RABGEF1: variants seen among roughly 807,000 people sequenced by gnomAD.
RABGEF1 encodes the protein RAB guanine nucleotide exchange factor 1, also known as rab5 GDP/GTP exchange factor.
In RABGEF1, 26 loss-of-function variants were observed where a neutral mutation model predicts 57.3. The observed-to-expected ratio is 0.45, with a 90% CI of 0.33 to 0.63. The LOEUF (loss-of-function observed/expected upper bound fraction) is 0.63. Ranked by LOEUF, RABGEF1 falls within the 20% of genes least tolerant of loss-of-function variation. The pLI is 0.02. For synonymous variants in RABGEF1, 185 were observed against 210.7 expected (o/e 0.88, Z 1.06); for missense variants, 464 against 607.6 (o/e 0.76, Z 2.48).
At chr7:66,676,140 C>T in the RABGEF1 span, among the ~76,000 whole-genome samples, 9 of 152,044 alleles carry the variant, frequency 5.9e-5, no homozygotes, top group African/African-American at 2.2e-4. Flanking sequence ...GCCAACATGG[C>T]AAAACCTCAT....
intron 2 of RABGEF1, among the ~76,000 whole-genome samples, chr7:66,715,164 A>G (rs941444437): frequency 5.9e-5 from 9 of 151,382 alleles, no homozygotes; most frequent in African/African-American, 1.5e-4. Context: ...GTCTCACTCT[A>G]TCACCTAGGC....
chr7:66,756,502 A>G (rs10231860), intron 1 of RABGEF1, among the ~76,000 whole-genome samples: 1 of 152,026 alleles, frequency 6.6e-6, no homozygotes, highest in Non-Finnish European at 1.5e-5. Context: ...GCTATCAAAG[A>G]TTTATAAATT....
chr7:66,756,133 T>C (rs1802655682), intron 1 of RABGEF1: 1 of 1,137,152 alleles, frequency 8.8e-7, no homozygotes, highest in Non-Finnish European at 1.2e-6. Context: ...AAAATAGTAA[T>C]GACATAGAAA....
intron 1 of RABGEF1, among the ~76,000 whole-genome samples, chr7:66,691,238 T>C (rs866616260): frequency 3.3e-4 from 51 of 152,250 alleles, no homozygotes; most frequent in African/African-American, 1.1e-3. Flanking sequence ...GTTGTACACC[T>C]CCCATACCGT....
At position 66,775,253 on chromosome 7, in the gene RABGEF1, T is replaced by A. The variant is rs1808248682; in HGVS notation, c.206T>A (p.Phe69Tyr). Residue 69 changes from phenylalanine (F) to tyrosine (Y), a missense_variant, in exon 3 of 9, where the codon TTT (phenylalanine) becomes TAT (tyrosine). By Grantham distance (22) the Phe-to-Tyr change is conservative (BLOSUM62 3). Coordinates refer to ENST00000284957, the MANE Select transcript of RABGEF1 (RefSeq NM_014504.3). Reference protein sequence around the residue: ...ERLQREEEEAFASSQSSQGAQ... With the variant: ...ERLQREEEEAYASSQSSQGAQ... ...CTCCAGCGGGAGGAAGAAGAGGCCT[T>A]TGCCAGCAGTCAGAGCAGCCAAGGG... The A allele has an allele frequency of 6.2e-7, 1 of 1,613,404 alleles. No homozygotes were observed. The highest frequency in any genetic ancestry group is 8.5e-7 in the Non-Finnish European group (1 of 1,179,744).
At chr7:66,718,585 G>A (rs1325073986) in intron 2 of RABGEF1, among the ~76,000 whole-genome samples, 1 of 152,112 alleles carries the variant, frequency 6.6e-6, no homozygotes, top group African/African-American at 2.4e-5. Flanking sequence ...ATAGGCAATG[G>A]ATTTGGTTAG....
chr7:66,691,702 T>C (rs1266678190), intron 1 of RABGEF1, among the ~76,000 whole-genome samples: 1 of 152,148 alleles, frequency 6.6e-6, no homozygotes, highest in Non-Finnish European at 1.5e-5. Context: ...ATAGGGTTTG[T>C]GTTCAATAAT....
At chr7:66,743,083 G>A (rs1042231887) in intron 1 of RABGEF1, among the ~76,000 whole-genome samples, 4 of 152,120 alleles carry the variant, frequency 2.6e-5, no homozygotes, top group African/African-American at 9.7e-5. Context: ...GCCGAGGCGG[G>A]CGGATCACGA....
chr7:66,760,708 C>T (rs1435265944), intron 1 of RABGEF1, among the ~76,000 whole-genome samples: 1 of 152,124 alleles, frequency 6.6e-6, no homozygotes, highest in Non-Finnish European at 1.5e-5. Context: ...TCCCAAAGTG[C>T]TGGGATTACA....
intron 7 of RABGEF1, among the ~76,000 whole-genome samples, chr7:66,800,598 G>A (rs928034088): frequency 1.3e-5 from 2 of 152,090 alleles, no homozygotes; most frequent in East Asian, 1.9e-4. Context: ...CCTTTTGCTC[G>A]GGGAACCCCA....
intron 3 of RABGEF1, among the ~76,000 whole-genome samples, chr7:66,779,364 G>A (rs1809313631): frequency 6.6e-6 from 1 of 151,688 alleles, no homozygotes; most frequent in Middle Eastern, 3.2e-3. Context: ...ATTAGCTGGG[G>A]GTGGTGGCAC....
chr7:66,802,618 G>A (rs1396813488), intron 7 of RABGEF1, among the ~76,000 whole-genome samples: 2 of 152,204 alleles, frequency 1.3e-5, no homozygotes, highest in African/African-American at 4.8e-5. Flanking sequence ...TTGAAGCAGT[G>A]CAAATCATGG....
intron 1 of RABGEF1, among the ~76,000 whole-genome samples, chr7:66,691,753 T>TGGG (rs1344329790): frequency 1.3e-5 from 2 of 152,146 alleles, no homozygotes; most frequent in Non-Finnish European, 2.9e-5. Context: ...CTGAGCATGT[T>TGGG]TAAGACAGGC....
chr7:66,694,813 G>A (rs1792080522), intron 1 of RABGEF1, among the ~76,000 whole-genome samples: 1 of 152,204 alleles, frequency 6.6e-6, no homozygotes, highest in African/African-American at 2.4e-5. Context: ...TTTGGTAGGC[G>A]TCAGGGCCCT....
chr7:66,781,281 GA>G (rs568691789), intron 3 of RABGEF1, among the ~76,000 whole-genome samples: 50 of 149,684 alleles, frequency 3.3e-4, no homozygotes, highest in East Asian at 9.7e-4. Context: ...ATAGAAAAAA[GA>G]AAAAAAAATT....
At chr7:66,750,491 TCATTA>T (rs1183133249) in intron 1 of RABGEF1, among the ~76,000 whole-genome samples, 1 of 152,230 alleles carries the variant, frequency 6.6e-6, no homozygotes, top group Non-Finnish European at 1.5e-5. Flanking sequence ...CACAGTTTTT[TCATTA>T]CCTGTAAGAG....
intron 2 of RABGEF1, among the ~76,000 whole-genome samples, chr7:66,735,723 T>G (rs1797874601): frequency 6.6e-6 from 1 of 152,188 alleles, no homozygotes; most frequent in Non-Finnish European, 1.5e-5. Context: ...TGTGAAGACG[T>G]GCCTGCTTTT....
At chr7:66,660,946 T>C in the RABGEF1 span, among the ~76,000 whole-genome samples, 13,311 of 152,004 alleles carry the variant, frequency 0.088, 721 homozygotes, top group Non-Finnish European at 0.11. Flanking sequence ...GCCAAACTGG[T>C]TGGGCACAGT....
intron 5 of RABGEF1, 97 bp downstream of exon 5, chr7:66,795,689 T>C (rs1813863973): frequency 1.7e-6 from 2 of 1,169,406 alleles, no homozygotes; most frequent in Admixed American, 3.4e-5. Flanking sequence ...TCTGGCTGGT[T>C]TGTAGACTTC....
Sources: allele counts gnomAD v4.1 joint callset (sites outside exome capture counted in the v4.1 genomes callset), GRCh38; gene constraint gnomAD v4.1.1; transcripts MANE v1.5; gene names NCBI Gene and HGNC (gene_info 2026-07-23, HGNC 2026-07-21).